The following RIC1 variants were observed in gnomAD, a reference collection of about 807,000 sequenced individuals.
The protein encoded by RIC1 is guanine nucleotide exchange factor subunit RIC1.
RIC1 carries 88 observed loss-of-function variants against 169.0 expected under a neutral mutation model. The observed-to-expected ratio is 0.52, with a 90% CI of 0.44 to 0.62. The LOEUF is 0.62. Among genes scored for constraint, RIC1 ranks in the 20% least tolerant of loss-of-function variants. RIC1 has a pLI of 0.00. For missense variants in RIC1, 1,877 were observed against 1,725.5 expected (o/e 1.09, Z -1.56); for synonymous variants, 790 against 601.5 (o/e 1.31, Z -4.59).
chr9:5,714,236 T>C (rs1230756428), intron 4 of RIC1, among the ~76,000 whole-genome samples: 1 of 152,186 alleles, frequency 6.6e-6, no homozygotes, highest in Non-Finnish European at 1.5e-5. Flanking sequence ...TTTTGAAATT[T>C]ATATTTTATA....
intron 2 of RIC1, among the ~76,000 whole-genome samples, chr9:5,689,346 C>T (rs1032097004): frequency 3.3e-5 from 5 of 152,066 alleles, no homozygotes; most frequent in South Asian, 2.1e-4. Context: ...CCACCGCGCC[C>T]GGCCTACAAT....
In RIC1 at chr9:5,641,967, C is replaced by G. The variant is rs146133252; in HGVS notation, c.144+12514C>G. Among the ~76,000 whole-genome samples the G allele has an allele frequency of 5.7e-3, 825 of 143,852 alleles. 68 individuals are homozygous for G. Among genetic ancestry groups the G allele is most frequent in the Non-Finnish European group, 8.1e-3 (542 of 67,112 alleles). The allele number at this position is 143,852 out of a possible 152,430, so 94.4% of individuals were successfully genotyped here. A position where few individuals can be genotyped will look rare whatever the true frequency, so the allele number is the denominator to read the frequency against. On this transcript the variant is annotated intron_variant, in intron 1 of 25. Coordinates refer to ENST00000414202, the MANE Select transcript of RIC1 (RefSeq NM_020829.4). ...GTGGGGTCATGTTTTCCTGGATGAT[C>G]TTGATTTGATGCTTGTAGATGTTCA...
chr9:5,695,694 C>T (rs1192776062), intron 3 of RIC1, among the ~76,000 whole-genome samples: 4 of 151,512 alleles, frequency 2.6e-5, no homozygotes, highest in African/African-American at 9.7e-5. Flanking sequence ...TGTCTCAATC[C>T]TGAGTAGCTG....
At chr9:5,737,166 T>G (rs1824765820) in intron 7 of RIC1, among the ~76,000 whole-genome samples, 1 of 152,198 alleles carries the variant, frequency 6.6e-6, no homozygotes, top group African/African-American at 2.4e-5. Context: ...ATTTTTGAAC[T>G]GAGAATATAC....
chr9:5,664,188 T>C (rs1819619745), intron 2 of RIC1, among the ~76,000 whole-genome samples: 1 of 151,772 alleles, frequency 6.6e-6, no homozygotes, highest in South Asian at 2.1e-4. Context: ...GGCGGGCGGA[T>C]AACGAGGTCA....
intron 2 of RIC1, among the ~76,000 whole-genome samples, chr9:5,656,895 A>T (rs1819133778): frequency 1.3e-5 from 2 of 152,144 alleles, no homozygotes; most frequent in African/African-American, 4.8e-5. Context: ...TTAACAAAGC[A>T]CCTATATCCC....
chr9:5,746,083 G>T lies in RIC1; in HGVS notation c.1248G>T (p.Met416Ile), dbSNP rs1420180253. 1 of 1,604,450 alleles carries T rather than the reference G, an allele frequency of 6.2e-7. No homozygotes were observed. The highest frequency in any genetic ancestry group is 1.1e-5 in the South Asian group (1 of 89,628). ...GTGTACTCACTGTAAACCCTTGTAT[G>T]GTAAGTATATTTAAAGCTCTGATTT... Reference protein sequence around the residue: ...IKSVLTVNPCMSNQEQVLLQG... With the variant: ...IKSVLTVNPCISNQEQVLLQG... The change falls in exon 11 of 26, where the codon ATG (methionine) becomes ATT (isoleucine). Residue 416 changes from methionine (M) to isoleucine (I), a missense_variant and splice_region_variant. By Grantham distance (10) the Met-to-Ile change is conservative (BLOSUM62 1). Around this residue, in one of 3 missense-constraint regions of RIC1, gnomAD observed 1,104 missense variants for 992.0 expected, o/e 1.11. Transcript: ENST00000414202.
At chr9:5,765,207 T>C (rs987000272) in intron 19 of RIC1, 4 of 526,174 alleles carry the variant, frequency 7.6e-6, no homozygotes, top group Non-Finnish European at 1.3e-5. Context: ...TGGCATGTAG[T>C]AGGAGTTTAA....
In RIC1 at chr9:5,629,221, G is replaced by A. The variant is rs913119544; in HGVS notation, c.-89G>A. 5 of 1,238,836 alleles carry A rather than the reference G, an allele frequency of 4.0e-6. No individual in the cohort carries two copies. In the African/African-American group the frequency reaches 4.7e-5, roughly 12 times the overall value. The allele number at this position is 1,238,836 out of a possible 1,614,324, so 76.7% of individuals were successfully genotyped here. On this transcript the variant is annotated 5_prime_UTR_variant, in exon 1 of 26. Coordinates refer to ENST00000414202, the MANE Select transcript of RIC1 (RefSeq NM_020829.4). ...TGCCGCCGCCGCCGCCGCCGACTCG[G>A]CCGGTGGCGGTGTGGGAGGTGGGCG...
intron 1 of RIC1, 90 bp downstream of exon 1, chr9:5,629,543 C>T: frequency 7.4e-7 from 1 of 1,353,586 alleles, no homozygotes; most frequent in East Asian, 3.0e-5. Context: ...GCCTAGGACT[C>T]CTGCCCCTTC....
In RIC1 at chr9:5,763,071, G is replaced by A; in HGVS notation, c.2113-69G>A. On this transcript the variant is annotated intron_variant, in intron 18 of 25. Coordinates refer to ENST00000414202, the MANE Select transcript of RIC1 (RefSeq NM_020829.4). This position sits in a 1 kb window ranked among gnomAD's most constrained non-coding sequence, Gnocchi z 5.2. ...ATCATTTGAAAGACTTAGTAAACTA[G>A]TACCTAGGAACTTAAGAACCTGCAG... 1 of 1,531,336 alleles carries A rather than the reference G, an allele frequency of 6.5e-7. No individual in the cohort carries two copies. The highest frequency in any genetic ancestry group is 8.8e-7 in the Non-Finnish European group (1 of 1,137,086). The allele number at this position is 1,531,336 out of a possible 1,614,324, so 94.9% of individuals were successfully genotyped here.
At chr9:5,671,160 C>G (rs754654349) in intron 2 of RIC1, among the ~76,000 whole-genome samples, 2 of 152,074 alleles carry the variant, frequency 1.3e-5, no homozygotes, top group South Asian at 4.1e-4. Flanking sequence ...CTCCTCTCCT[C>G]CTCCTAATGT....
chr9:5,662,918 G>C (rs1819540821), intron 2 of RIC1, among the ~76,000 whole-genome samples: 1 of 152,028 alleles, frequency 6.6e-6, no homozygotes, highest in South Asian at 2.1e-4. Context: ...TCTTAGTTGT[G>C]GTGTTAGGTT....
At chr9:5,685,358 A>G (rs1056383428) in intron 2 of RIC1, among the ~76,000 whole-genome samples, 7 of 151,840 alleles carry the variant, frequency 4.6e-5, no homozygotes, top group African/African-American at 1.5e-4. Flanking sequence ...GAGGCATCAC[A>G]CTACCTGACT....
At chr9:5,678,092 G>A (rs1355952012) in intron 2 of RIC1, among the ~76,000 whole-genome samples, 2 of 151,266 alleles carry the variant, frequency 1.3e-5, no homozygotes, top group African/African-American at 4.9e-5. Context: ...GTGAGAACAT[G>A]CGGTGTTTGT....
At chr9:5,764,314 T>C (rs1047870) in intron 19 of RIC1, among the ~76,000 whole-genome samples, 46,924 of 152,010 alleles carry the variant, frequency 0.31, 8,295 homozygotes, top group East Asian at 0.59. Context: ...GGGACACTTA[T>C]TAGAGCATGG....
intron 21 of RIC1, among the ~76,000 whole-genome samples, chr9:5,767,778 G>C (rs1226662423): frequency 5.9e-5 from 9 of 151,764 alleles, no homozygotes; most frequent in Admixed American, 5.3e-4. Context: ...GTAGAGACGG[G>C]GTTTCTCCGT....
intron 3 of RIC1, among the ~76,000 whole-genome samples, chr9:5,693,368 A>G (rs1170469801): frequency 1.3e-5 from 2 of 152,138 alleles, no homozygotes; most frequent in Admixed American, 1.3e-4. Context: ...CAGATGCCTC[A>G]TGATCTTTCC....
rs768512952 is a variant in RIC1, at chr9:5,774,156, C to G, written c.4182C>G (p.Ser1394Arg). 1 of 1,613,992 alleles carries G rather than the reference C, an allele frequency of 6.2e-7. No homozygotes were observed. Among genetic ancestry groups the G allele is most frequent in the Non-Finnish European group, 8.5e-7 (1 of 1,179,966 alleles). ...GSIPQGEVGSSNMVSRKEEDT... is the reference protein window; with the variant it reads ...GSIPQGEVGSRNMVSRKEEDT... ...TCCCCCAGGGTGAAGTTGGAAGCAG[C>G]AATATGGTCAGCCGGAAAGAGGAGG... The change falls in exon 26 of 26, where the codon AGC becomes AGG. Residue 1394 changes from serine to arginine, a missense_variant. Around this residue, in one of 3 missense-constraint regions of RIC1, gnomAD observed 681 missense variants for 582.0 expected, o/e 1.17. Transcript: ENST00000414202.
Sources: allele counts gnomAD v4.1 joint callset (sites outside exome capture counted in the v4.1 genomes callset), GRCh38; gene constraint gnomAD v4.1.1; regional missense constraint gnomAD v4.1.1; non-coding constraint Gnocchi (gnomAD v3.1); transcripts MANE v1.5; gene names NCBI Gene and HGNC (gene_info 2026-07-23, HGNC 2026-07-21).